The following SPIDR variants were observed in gnomAD, a reference collection of about 807,000 sequenced individuals.
SPIDR encodes DNA repair-scaffolding protein.
In SPIDR, 93 loss-of-function variants were observed where a neutral mutation model predicts 104.6. The ratio of observed to expected loss-of-function variants is 0.89; its 90% confidence interval spans 0.75 to 1.06. SPIDR has a LOEUF of 1.06. Among genes scored for constraint, SPIDR ranks in the 50% least tolerant of loss-of-function variants. SPIDR has a pLI of 0.00. For missense variants in SPIDR, 1,154 were observed against 1,111.2 expected, an observed-to-expected ratio of 1.04 and a Z score of -0.55; for synonymous variants, 431 against 416.9, an observed-to-expected ratio of 1.03 and a Z score of -0.41.
intron 10 of SPIDR, among the ~76,000 whole-genome samples, chr8:47,623,328 C>T (rs990562448): frequency 5.9e-5 from 9 of 152,142 alleles, no homozygotes; most frequent in Non-Finnish European, 1.2e-4. Flanking sequence ...ACTGCATCAA[C>T]TAACAAGCAA....
At chr8:47,522,224 A>G (rs2084268772) in intron 8 of SPIDR, among the ~76,000 whole-genome samples, 1 of 152,018 alleles carries the variant, frequency 6.6e-6, no homozygotes, top group African/African-American at 2.4e-5. Context: ...AGCAGGAGAA[A>G]AAGAACTGTG....
At chr8:47,367,695 C>G (rs898457775) in intron 5 of SPIDR, among the ~76,000 whole-genome samples, 2 of 152,218 alleles carry the variant, frequency 1.3e-5, no homozygotes, top group African/African-American at 4.8e-5. Flanking sequence ...CCAGCCCACT[C>G]CACTCCTTTC....
At chr8:47,376,737 A>G (rs2058701463) in intron 5 of SPIDR, among the ~76,000 whole-genome samples, 1 of 152,196 alleles carries the variant, frequency 6.6e-6, no homozygotes, top group South Asian at 2.1e-4. Flanking sequence ...GTTTTGTAGC[A>G]TATCAAGGTA....
chr8:47,658,925 A>G (rs1281666777), intron 10 of SPIDR, among the ~76,000 whole-genome samples: 3 of 150,522 alleles, frequency 2.0e-5, no homozygotes, highest in African/African-American at 7.4e-5. Flanking sequence ...AACAAGAGCA[A>G]AACTCCATCT....
At chr8:47,380,783 A>G (rs2059243518) in intron 5 of SPIDR, among the ~76,000 whole-genome samples, 1 of 152,148 alleles carries the variant, frequency 6.6e-6, no homozygotes, top group Non-Finnish European at 1.5e-5. Context: ...TTTACCTCAG[A>G]AAATATTTTT....
At chr8:47,467,011 A>G (rs2074970448) in intron 8 of SPIDR, among the ~76,000 whole-genome samples, 1 of 151,574 alleles carries the variant, frequency 6.6e-6, no homozygotes, top group Non-Finnish European at 1.5e-5. Context: ...AATAAACACA[A>G]TTAGAAATCA....
At chr8:47,599,482 A>G (rs1015786879) in intron 10 of SPIDR, among the ~76,000 whole-genome samples, 17 of 152,232 alleles carry the variant, frequency 1.1e-4, no homozygotes, top group Admixed American at 9.8e-4. Context: ...TATTGGTATT[A>G]TTCTGGAAAA....
At chr8:47,678,760 C>G (rs1275020927) in intron 11 of SPIDR, among the ~76,000 whole-genome samples, 2 of 152,094 alleles carry the variant, frequency 1.3e-5, no homozygotes, top group Non-Finnish European at 2.9e-5. Context: ...TGGTCAGTTT[C>G]CATGAAAAGG....
At chr8:47,709,887 A>T (rs201414181) in intron 14 of SPIDR, among the ~76,000 whole-genome samples, 2 of 143,156 alleles carry the variant, frequency 1.4e-5, no homozygotes, top group Admixed American at 1.4e-4. Context: ...ATATTCACCA[A>T]TTTTTTTTTT....
At chr8:47,415,120 G>T (rs2064060356) in intron 7 of SPIDR, among the ~76,000 whole-genome samples, 1 of 152,184 alleles carries the variant, frequency 6.6e-6, no homozygotes, top group Non-Finnish European at 1.5e-5. Context: ...AGCCAGGATG[G>T]TCTTGATCTC....
At chr8:47,309,813 C>T (rs1199001958) in intron 5 of SPIDR, among the ~76,000 whole-genome samples, 2 of 151,914 alleles carry the variant, frequency 1.3e-5, no homozygotes, top group South Asian at 2.1e-4. Context: ...CTGAAGTGGG[C>T]GGATCACGAG....
chr8:47,697,741 C>G (rs1383879859), intron 11 of SPIDR: 1 of 152,620 alleles, frequency 6.6e-6, no homozygotes, highest in Non-Finnish European at 1.5e-5. Context: ...ACCCCCCAGC[C>G]TTCTTCTTGC....
chr8:47,552,952 C>T (rs531971947), intron 8 of SPIDR, among the ~76,000 whole-genome samples: 2 of 152,288 alleles, frequency 1.3e-5, no homozygotes, highest in South Asian at 2.1e-4. Flanking sequence ...GCATGGCAGG[C>T]CTGGTGGTGA....
At chr8:47,582,161 G>T (rs904731217) in intron 8 of SPIDR, among the ~76,000 whole-genome samples, 21 of 150,784 alleles carry the variant, frequency 1.4e-4, no homozygotes, top group Admixed American at 1.3e-3. Flanking sequence ...AGGTTGCGGT[G>T]AGCCGCCAAG....
intron 8 of SPIDR, among the ~76,000 whole-genome samples, chr8:47,569,796 C>G (rs2058307207): frequency 6.6e-6 from 1 of 152,058 alleles, no homozygotes; most frequent in African/African-American, 2.4e-5. Context: ...AGCAAGGTTG[C>G]AGGGTACAAG....
intron 11 of SPIDR, among the ~76,000 whole-genome samples, chr8:47,682,611 C>T (rs1366094528): frequency 6.6e-6 from 1 of 152,118 alleles, no homozygotes. Context: ...AACTGAATGT[C>T]TAGAAAGTGC....
chr8:47,358,340 A>G (rs1042938713), intron 5 of SPIDR, among the ~76,000 whole-genome samples: 4 of 152,212 alleles, frequency 2.6e-5, no homozygotes, highest in Non-Finnish European at 4.4e-5. Context: ...CTACCGCCTC[A>G]GCCTCCTGAG....
At chr8:47,625,319 A>T (rs1445501718) in intron 10 of SPIDR, among the ~76,000 whole-genome samples, 2 of 152,208 alleles carry the variant, frequency 1.3e-5, no homozygotes, top group African/African-American at 2.4e-5. Flanking sequence ...TCCTTTGAAA[A>T]CTGGCACAAG....
At position 47,440,364 on chromosome 8, in the gene SPIDR, C is replaced by A. The variant is rs1554695731; in HGVS notation, c.919C>A (p.His307Asn). The A allele has an allele frequency of 6.2e-7, 1 of 1,614,176 alleles. No homozygotes were observed. Residue 307 changes from histidine (H) to asparagine (N), a missense_variant, in exon 8 of 20, where the codon CAT becomes AAT. His to Asn is a moderately conservative substitution (Grantham distance 68, BLOSUM62 1). Coordinates refer to ENST00000297423, the MANE Select transcript of SPIDR (RefSeq NM_001080394.4). ...ATTAACTGTGAAAATTTTAGAGCTGCATGAGGAATGTGCCATGCAAGTTGC... is the reference window on the plus strand; with the variant it reads ...ATTAACTGTGAAAATTTTAGAGCTGAATGAGGAATGTGCCATGCAAGTTGC... Reference protein sequence around the residue: ...GVLTVKILELHEECAMQVAMC... With the variant: ...GVLTVKILELNEECAMQVAMC...
Sources: allele counts gnomAD v4.1 joint callset (sites outside exome capture counted in the v4.1 genomes callset), GRCh38; gene constraint gnomAD v4.1.1; transcripts MANE v1.5; gene names NCBI Gene and HGNC (gene_info 2026-07-23, HGNC 2026-07-21).